PTH1R: variants seen among roughly 807,000 people sequenced by gnomAD.
PTH1R encodes the protein parathyroid hormone/parathyroid hormone-related peptide receptor.
A neutral mutation model predicts 70.7 loss-of-function variants in PTH1R; 32 were observed. That is an observed-to-expected ratio of 0.45 (90% CI 0.34 to 0.61). The LOEUF (loss-of-function observed/expected upper bound fraction) is 0.61, where lower values mean the gene tolerates loss of function less well. PTH1R is among the 20% of genes least tolerant of loss of function. The pLI is 0.01. For synonymous variants in PTH1R, 329 were observed against 324.8 expected (o/e 1.01, Z -0.14); for missense variants, 626 against 792.5 (o/e 0.79, Z 2.52).
intron 8 of PTH1R, 40 bp downstream of exon 8, chr3:46,898,512 G>C (rs753713610): frequency 2.2e-5 from 35 of 1,597,208 alleles, no homozygotes; most frequent in South Asian, 1.1e-5. Flanking sequence ...ACATGGTGGA[G>C]GGGGGGCGGT....
At position 46,901,898 on chromosome 3, in the gene PTH1R, G is replaced by C. The variant is rs767263094; in HGVS notation, c.1211+38G>C. The C allele has an allele frequency of 9.6e-6, 15 of 1,555,456 alleles. No homozygotes were observed. The East Asian group carries it at 3.4e-4, about 35-fold the overall frequency. Reference sequence around the variant, plus strand: ...TGCCTGCCATGCCCTGGCTCCTCAGGGGTCCCTGAGTCCTGGTACCATGTA... The same window carrying C: ...TGCCTGCCATGCCCTGGCTCCTCAGCGGTCCCTGAGTCCTGGTACCATGTA... On this transcript the variant is annotated intron_variant, in intron 13 of 15. Transcript: ENST00000449590. The surrounding 1 kb of genome is among the most constrained non-coding windows in gnomAD (Gnocchi z 7.3).
intron 8 of PTH1R, 82 bp from the exon 9 acceptor site, chr3:46,898,580 C>T: frequency 1.2e-6 from 2 of 1,600,684 alleles, no homozygotes; most frequent in South Asian, 1.1e-5. Context: ...GGTGTCCCTA[C>T]CTACGGCGCA....
rs540920290 is a variant in PTH1R at position 46,883,148 on chromosome 3, AAAAG to A, written c.-48-336_-48-333del. Among the ~76,000 whole-genome samples, 102,160 of 142,042 alleles carry A rather than the reference AAAAG, an allele frequency of 0.72. 37,162 individuals carry two copies. Among genetic ancestry groups the A allele is most frequent in the South Asian group, 0.84 (3,688 of 4,412 alleles). 93.2% of individuals were successfully genotyped at this position (142,042 alleles called of 152,430 possible). On this transcript the variant is annotated intron_variant, in intron 2 of 15. Transcript: ENST00000449590. This position sits in a 1 kb window ranked among gnomAD's most constrained non-coding sequence, Gnocchi z 6.4. ...AGCTCCCATTTCCCCAAAAGAAAAA[AAAAG>A]AAAGAAAGAAAGAAAGAAAGAAAGA... is the stretch of plus-strand genomic sequence containing the variant.
At position 46,890,932 on chromosome 3, in the gene PTH1R, T is replaced by G. The variant is rs1384332570; in HGVS notation, c.76-2975T>G. Among the ~76,000 whole-genome samples, 4 of 152,134 alleles carry G rather than the reference T, an allele frequency of 2.6e-5. No homozygotes were observed. The East Asian group carries it at 7.7e-4, about 29-fold the overall frequency. ...TGTGGGGCTGGTGGCAGAATCTCCT[T>G]GAAGAGGAGGGCACAGCTGGAGGGA... On this transcript the variant is annotated intron_variant, in intron 3 of 15. Transcript: ENST00000449590.
intron 3 of PTH1R, among the ~76,000 whole-genome samples, chr3:46,889,779 G>A (rs1037513050): frequency 1.3e-5 from 2 of 152,140 alleles, no homozygotes; most frequent in African/African-American, 2.4e-5. Flanking sequence ...TATGGACTAA[G>A]TGACCCCTGG....
rs1318902721 is a variant in PTH1R at position 46,884,210 on chromosome 3, G to A, written c.75+576G>A. On this transcript the variant is annotated intron_variant, in intron 3 of 15. Coordinates refer to ENST00000449590, the MANE Select transcript of PTH1R (RefSeq NM_000316.3). The surrounding 1 kb of genome is among the most constrained non-coding windows in gnomAD (Gnocchi z 4.8). ...TGGAGAAGGGATGGAGTTCCCTGAA[G>A]GAGACTGACCTCACAGTGCACCCCT... is the stretch of plus-strand genomic sequence containing the variant. 6.6e-6 allele frequency among the ~76,000 whole-genome samples: 1 copy of A among 152,168 alleles called. No homozygotes were observed. The highest frequency in any genetic ancestry group is 1.5e-5 in the Non-Finnish European group (1 of 68,026).
intron 3 of PTH1R, among the ~76,000 whole-genome samples, chr3:46,890,242 G>A (rs1014525129): frequency 6.6e-6 from 1 of 151,992 alleles, no homozygotes; most frequent in Non-Finnish European, 1.5e-5. Context: ...TCCACCCTGG[G>A]GCCCCATCTC....
chr3:46,899,869 C>T lies in PTH1R; in HGVS notation c.988+413C>T, dbSNP rs894410643. ...CCAGTCCCCTTGCTGGGATGGGGCG[C>T]GGGGCTGCCCACACCATTGCCAGCC... On this transcript the variant is annotated intron_variant, in intron 10 of 15. Coordinates refer to ENST00000449590, the MANE Select transcript of PTH1R (RefSeq NM_000316.3). Among the ~76,000 whole-genome samples the T allele has an allele frequency of 3.3e-5, 5 of 152,326 alleles. No homozygotes were observed. In the East Asian group the frequency reaches 7.7e-4, roughly 24 times the overall value.
Position 46,901,404 on chromosome 3 carries a change from C to A in PTH1R, c.1050-10C>A, listed in dbSNP as rs779834787. The A allele has an allele frequency of 3.3e-5, 51 of 1,564,514 alleles. 1 individual carries two copies. In the South Asian group the frequency reaches 5.3e-4, roughly 16 times the overall value. On this transcript the variant is annotated splice_polypyrimidine_tract_variant and intron_variant, in intron 11 of 15. Coordinates refer to ENST00000449590, the MANE Select transcript of PTH1R (RefSeq NM_000316.3). The surrounding 1 kb of genome is among the most constrained non-coding windows in gnomAD (Gnocchi z 7.3). ...GGAGGGATGGGAGCTAATGCCTCAA[C>A]CTCCCCCAGGTGCTGGGACTTGAGC... is the stretch of plus-strand genomic sequence containing the variant.
At chr3:46,888,137 G>A (rs1374695024) in intron 3 of PTH1R, among the ~76,000 whole-genome samples, 2 of 152,162 alleles carry the variant, frequency 1.3e-5, no homozygotes, top group African/African-American at 4.8e-5. Flanking sequence ...AGGATTCTTT[G>A]TGTTTCACCT....
Position 46,899,431 on chromosome 3 carries a change from G to A in PTH1R, c.963G>A (p.Leu321=). Residue 321 remains leucine (L), a synonymous_variant, in exon 10 of 16, where the codon CTG becomes CTA. Transcript: ENST00000449590. ...CCTTCTTCTCAGAGAAGAAGTACCT[G>A]TGGGGCTTCACAGTCTTCGGCTGGG... ...FMAFFSEKKY[L]WGFTVFGWGL... 1.2e-6 allele frequency: 2 copies of A among 1,613,116 alleles called. No homozygotes were observed. The highest frequency in any genetic ancestry group is 2.2e-5 in the South Asian group (2 of 91,038).
rs750736412 is a variant in PTH1R, at chr3:46,899,362, G to T, written c.894G>T (p.Trp298Cys). 6.2e-7 allele frequency: 1 copy of T among 1,614,068 alleles called. No individual in the cohort carries two copies. The highest frequency in any genetic ancestry group is 1.1e-5 in the South Asian group (1 of 91,076). ...ACTTCCTGGCCACCAACTACTACTG[G>T]ATTCTGGTGGAGGGGCTGTACCTGC... ...FLYFLATNYY[W>C]ILVEGLYLHS... is the part of the protein sequence containing the mutation. Residue 298 changes from tryptophan (W) to cysteine (C), a missense_variant, in exon 10 of 16, where the codon TGG becomes TGT. Around this residue, in one of 3 missense-constraint regions of PTH1R, gnomAD observed 495 missense variants for 638.7 expected, o/e 0.77. Transcript: ENST00000449590.
intron 4 of PTH1R, among the ~76,000 whole-genome samples, chr3:46,894,873 G>A (rs1351431254): frequency 6.6e-6 from 1 of 151,772 alleles, no homozygotes; most frequent in Non-Finnish European, 1.5e-5. Flanking sequence ...TCCAGCCTGG[G>A]CAACATAGTG....
At chr3:46,889,028 G>C (rs2031221752) in intron 3 of PTH1R, among the ~76,000 whole-genome samples, 2 of 152,246 alleles carry the variant, frequency 1.3e-5, no homozygotes, top group Admixed American at 1.3e-4. Flanking sequence ...CAGCCGGACA[G>C]AGAGAGGGCA....
At chr3:46,881,370 C>A (rs1007555829) in intron 2 of PTH1R, among the ~76,000 whole-genome samples, 1 of 152,202 alleles carries the variant, frequency 6.6e-6, no homozygotes. Flanking sequence ...CCCGCGGACT[C>A]CTCCTTGCCT....
chr3:46,899,524 C>G (rs1239346754), intron 10 of PTH1R, 68 bp downstream of exon 10: 3 of 1,564,224 alleles, frequency 1.9e-6, no homozygotes, highest in Non-Finnish European at 2.6e-6. Flanking sequence ...GAGAGGGCAG[C>G]CCCTGGGGGG....
At chr3:46,887,456 GAAAAAAA>G (rs771034289) in intron 3 of PTH1R, among the ~76,000 whole-genome samples, 77 of 63,946 alleles carry the variant, frequency 1.2e-3, no homozygotes, top group Non-Finnish European at 2.0e-3. Flanking sequence ...CCCTGTCTCT[GAAAAAAA>G]AAAAAAAAAA....
chr3:46,895,324 T>G (rs1170706395), intron 4 of PTH1R, among the ~76,000 whole-genome samples: 1 of 152,214 alleles, frequency 6.6e-6, no homozygotes, highest in Non-Finnish European at 1.5e-5. Flanking sequence ...TTTCGCTATG[T>G]AACCTGTCCA....
rs1452691654 is a variant in PTH1R, at chr3:46,898,675, A to C, written c.652A>C (p.Thr218Pro). Residue 218 changes from threonine (T) to proline (P), a missense_variant, in exon 9 of 16, where the codon ACG becomes CCG. Transcript: ENST00000449590. ...CGCGCCCCGCAGGCGGCTGCACTGCACGCGCAACTACATCCACATGCACCT... is the reference window on the plus strand; with the variant it reads ...CGCGCCCCGCAGGCGGCTGCACTGCCCGCGCAACTACATCCACATGCACCT... ...ILAYFRRLHC[T>P]RNYIHMHLFL... The C allele has an allele frequency of 1.2e-6, 2 of 1,612,168 alleles. No homozygotes were observed. Among genetic ancestry groups the C allele is most frequent in the African/African-American group, 2.7e-5 (2 of 74,852 alleles).
Sources: allele counts gnomAD v4.1 joint callset (sites outside exome capture counted in the v4.1 genomes callset), GRCh38; gene constraint gnomAD v4.1.1; regional missense constraint gnomAD v4.1.1; non-coding constraint Gnocchi (gnomAD v3.1); transcripts MANE v1.5; gene names NCBI Gene and HGNC (gene_info 2026-07-23, HGNC 2026-07-21).